The following AACS variants were observed in gnomAD, a reference collection of about 807,000 sequenced individuals.
The protein encoded by AACS is acetoacetyl-CoA synthetase, also known as acetoacetate-CoA ligase.
AACS carries 69 observed loss-of-function variants against 83.1 expected under a neutral mutation model. That is an observed-to-expected ratio of 0.83 (90% confidence interval 0.68 to 1.01). The LOEUF (loss-of-function observed/expected upper bound fraction) is 1.01. Ranked by LOEUF, AACS falls within the 50% of genes least tolerant of loss-of-function variation. AACS has a pLI of 0.00. For synonymous variants in AACS, 333 were observed against 343.4 expected (o/e 0.97, Z 0.33); for missense variants, 866 against 882.2 (o/e 0.98, Z 0.23).
chr12:125,110,315 C>T (rs147351274), intron 8 of AACS, among the ~76,000 whole-genome samples: 1 of 151,976 alleles, frequency 6.6e-6, no homozygotes, highest in Non-Finnish European at 1.5e-5. Context: ...TCGTGATCCA[C>T]CTTCCTTGGC....
At position 125,140,401 on chromosome 12, in the gene AACS, CG is replaced by C. The variant is rs1300524914; in HGVS notation, c.1882-1689del. On this transcript the variant is annotated intron_variant, in intron 17 of 17. Transcript: ENST00000316519. This position sits in a 1 kb window ranked among gnomAD's most constrained non-coding sequence, Gnocchi z 5.1. The stretch of plus-strand genomic sequence containing the variant: ...TATTTTGCCAGCGGGTGGAAGGTGG[CG>C]GTATTAGCTCCCGTGAGCTGCACGT... 2.0e-5 allele frequency: 3 copies of C among 152,088 alleles called. No individual in the cohort carries two copies. The highest frequency in any genetic ancestry group is 4.4e-5 in the Non-Finnish European group (3 of 68,044). The allele number at this position is 152,088 out of a possible 1,614,324, so 9.4% of individuals were successfully genotyped here.
Position 125,106,999 on chromosome 12 carries a change from TC to T in AACS, c.768-117del, listed in dbSNP as rs1274450623. The T allele has an allele frequency of 8.2e-5, 117 of 1,420,482 alleles. No homozygotes were observed. In the East Asian group the frequency reaches 2.5e-3, roughly 31 times the overall value. The allele number at this position is 1,420,482 out of a possible 1,614,324, so 88.0% of individuals were successfully genotyped here. A position where few individuals can be genotyped will look rare whatever the true frequency, so the allele number is the denominator to read the frequency against. ...AGGAAGTTTCCAAATCTGGCCACCG[TC>T]CCCCTGGAATCCTGGCTTTTCTGGG... On this transcript the variant is annotated intron_variant, in intron 7 of 17. Coordinates refer to ENST00000316519, the MANE Select transcript of AACS (RefSeq NM_023928.5).
At chr12:125,114,440 A>G (rs753059102) in intron 8 of AACS, 37 bp from the exon 9 acceptor site, 22 of 1,592,392 alleles carry the variant, frequency 1.4e-5, no homozygotes, top group Middle Eastern at 1.7e-4. Context: ...CTGTATGCCT[A>G]ACAGAGAGCA....
intron 4 of AACS, among the ~76,000 whole-genome samples, chr12:125,087,385 G>A (rs1200284680): frequency 1.3e-5 from 2 of 152,308 alleles, no homozygotes; most frequent in African/African-American, 2.4e-5. Flanking sequence ...CTTGACTTGT[G>A]GAAAAAATGT....
At chr12:125,108,655 C>T (rs1248662301) in intron 8 of AACS, among the ~76,000 whole-genome samples, 2 of 151,926 alleles carry the variant, frequency 1.3e-5, no homozygotes, top group African/African-American at 4.8e-5. Context: ...TGACTTTTAA[C>T]CTGTTATTTT....
intron 12 of AACS, 91 bp from the exon 13 acceptor site, chr12:125,128,070 C>T: frequency 1.1e-6 from 1 of 895,364 alleles, no homozygotes; most frequent in Non-Finnish European, 1.7e-6. Flanking sequence ...GATATTTGTC[C>T]TCTTGGCACC....
At chr12:125,073,045 G>A (rs1266541436) in intron 1 of AACS, among the ~76,000 whole-genome samples, 2 of 145,560 alleles carry the variant, frequency 1.4e-5, no homozygotes, top group African/African-American at 5.1e-5. Flanking sequence ...CTCTGCCTCA[G>A]CCTCCCACGT....
intron 4 of AACS, among the ~76,000 whole-genome samples, chr12:125,090,133 TCCATCA>T (rs1169129240): frequency 2.1e-3 from 11 of 5,354 alleles, no homozygotes; most frequent in Non-Finnish European, 4.1e-3. Context: ...CCATTTATCA[TCCATCA>T]CCATCATCCA....
At chr12:125,133,874 C>A in intron 14 of AACS, 129 bp from the exon 15 acceptor site, 1 of 880,508 alleles carries the variant, frequency 1.1e-6, no homozygotes. Context: ...TCCCTCTGGC[C>A]CCCAGCCCCA....
intron 3 of AACS, among the ~76,000 whole-genome samples, chr12:125,084,554 C>G (rs1414754450): frequency 6.6e-6 from 1 of 150,830 alleles, no homozygotes; most frequent in African/African-American, 2.4e-5. Flanking sequence ...CAGGTATACA[C>G]CACCACGCCT....
chr12:125,102,739 G>A lies in AACS; in HGVS notation c.631G>A (p.Val211Ile), dbSNP rs141283616. 5.4e-5 allele frequency: 87 copies of A among 1,614,144 alleles called. No individual in the cohort carries two copies. The African/African-American group carries it at 8.8e-4, about 16-fold the overall frequency. ...PKLIFSVEAV[V>I]YNGKEHNHME... ...GCTCATCTTCTCTGTGGAGGCTGTT[G>A]TCTATAATGGCAAAGAGCACAACCA... Residue 211 changes from valine to isoleucine, a missense_variant, in exon 6 of 18, where the codon GTC (valine) becomes ATC (isoleucine). Transcript: ENST00000316519.
chr12:125,137,565 T>C (rs922219062), intron 17 of AACS, among the ~76,000 whole-genome samples: 1 of 152,226 alleles, frequency 6.6e-6, no homozygotes, highest in Non-Finnish European at 1.5e-5. Context: ...AAGACTTGAC[T>C]CTTTTTAGAG....
At position 125,103,016 on chromosome 12, in the gene AACS, G is replaced by A; in HGVS notation, c.702G>A (p.Lys234=). The A allele has an allele frequency of 6.2e-7, 1 of 1,613,876 alleles. No homozygotes were observed. ...TCCTTCCAGGCCTACCAGACTTGAA[G>A]AAAGTGGTGGTGATTCCTTATGTGT... is the stretch of plus-strand genomic sequence containing the variant. ...QQVVKGLPDL[K]KVVVIPYVSS... is the part of the protein sequence containing the mutation. Residue 234 remains lysine (K), a synonymous_variant, in exon 7 of 18, where the codon AAG becomes AAA. Transcript: ENST00000316519.
intron 17 of AACS, 139 bp from the exon 18 acceptor site, chr12:125,141,953 G>T: frequency 4.9e-6 from 5 of 1,027,084 alleles, no homozygotes; most frequent in Non-Finnish European, 7.2e-6. Flanking sequence ...GGTGGGAAGA[G>T]GGGCATCTTA....
At chr12:125,065,901 C>T (rs985610522) in intron 1 of AACS, among the ~76,000 whole-genome samples, 184 bp downstream of exon 1, 2 of 152,216 alleles carry the variant, frequency 1.3e-5, no homozygotes, top group East Asian at 1.9e-4. Flanking sequence ...ACAGCACCTC[C>T]TGGCACTTCC....
chr12:125,080,880 A>T (rs1247498438), intron 3 of AACS, among the ~76,000 whole-genome samples: 1 of 151,660 alleles, frequency 6.6e-6, no homozygotes, highest in Non-Finnish European at 1.5e-5. Context: ...TTTAGTAGAG[A>T]TGGGGTTTCA....
intron 7 of AACS, among the ~76,000 whole-genome samples, chr12:125,106,199 C>A (rs1201402851): frequency 6.6e-6 from 1 of 152,196 alleles, no homozygotes; most frequent in Non-Finnish European, 1.5e-5. Flanking sequence ...GAGAGAAAGT[C>A]CATTTGTCAG....
At chr12:125,132,208 T>C (rs1368984199) in intron 14 of AACS, among the ~76,000 whole-genome samples, 1 of 152,238 alleles carries the variant, frequency 6.6e-6, no homozygotes, top group African/African-American at 2.4e-5. Context: ...ATTGCTCCTC[T>C]CAGCCTGGCT....
chr12:125,133,865 C>T, intron 14 of AACS, 138 bp from the exon 15 acceptor site: 7 of 792,390 alleles, frequency 8.8e-6, no homozygotes, highest in Admixed American at 4.6e-5. Context: ...CTGTCTGGCT[C>T]CCTCTGGCCC....
Sources: allele counts gnomAD v4.1 joint callset (sites outside exome capture counted in the v4.1 genomes callset), GRCh38; gene constraint gnomAD v4.1.1; non-coding constraint Gnocchi (gnomAD v3.1); transcripts MANE v1.5; gene names NCBI Gene and HGNC (gene_info 2026-07-23, HGNC 2026-07-21).